DCHS2: variants seen among roughly 807,000 people sequenced by gnomAD.
The protein encoded by DCHS2 is protocadherin-23.
A neutral mutation model predicts 182.4 loss-of-function variants in DCHS2; 142 were observed. The ratio of observed to expected loss-of-function variants is 0.78; its 90% CI spans 0.68 to 0.89. The LOEUF (loss-of-function observed/expected upper bound fraction) is 0.89, where lower values mean the gene tolerates loss of function less well. Ranked by LOEUF, DCHS2 falls within the 40% of genes least tolerant of loss-of-function variation. The pLI, the probability that DCHS2 is intolerant of heterozygous loss-of-function variation, is 0.00. For missense variants in DCHS2, 4,319 were observed against 4,198.6 expected, an observed-to-expected ratio of 1.03 and a Z score of -0.79; for synonymous variants, 1,740 against 1,663.3, an observed-to-expected ratio of 1.05 and a Z score of -1.12.
At chr4:154,377,047 A>G (rs891529069) in intron 2 of DCHS2, among the ~76,000 whole-genome samples, 2 of 152,182 alleles carry the variant, frequency 1.3e-5, no homozygotes, top group Non-Finnish European at 2.9e-5. Context: ...CTGTGTTTTT[A>G]AAGTCATTTT....
chr4:154,380,772 TA>T (rs1731131991), intron 1 of DCHS2, among the ~76,000 whole-genome samples: 1 of 152,126 alleles, frequency 6.6e-6, no homozygotes, highest in Admixed American at 6.6e-5. Flanking sequence ...CCAAAATACC[TA>T]AAAATATTGA....
intron 16 of DCHS2, among the ~76,000 whole-genome samples, chr4:154,251,111 A>G (rs1321381864): frequency 1.3e-5 from 2 of 152,210 alleles, no homozygotes; most frequent in Non-Finnish European, 2.9e-5. Context: ...GAAAAAGATA[A>G]TTAACATCTC....
rs1046777669 is a variant in DCHS2, at chr4:154,418,236, A to G, written c.2053-40792T>C. Among the ~76,000 whole-genome samples, 20 of 152,212 alleles carry G rather than the reference A, an allele frequency of 1.3e-4. 1 individual carries two copies. The highest frequency in any genetic ancestry group is 2.9e-5 in the Non-Finnish European group (2 of 68,038). On this transcript the variant is annotated intron_variant, in intron 1 of 19. Coordinates refer to ENST00000357232, the MANE Select transcript of DCHS2 (RefSeq NM_001358235.2). ...TAATTGCATGTATTTCTTTCATATT[A>G]CATATGTAGAACCCGAGGCTCAGAA...
chr4:154,242,593 G>A, intron 17 of DCHS2, 49 bp downstream of exon 17: 1 of 1,576,032 alleles, frequency 6.3e-7, no homozygotes, highest in Non-Finnish European at 8.6e-7. Flanking sequence ...AATGGTAAAT[G>A]ATATTATACA....
chr4:154,295,805 T>C (rs1734901784), intron 13 of DCHS2, among the ~76,000 whole-genome samples: 1 of 152,170 alleles, frequency 6.6e-6, no homozygotes, highest in Non-Finnish European at 1.5e-5. Context: ...CTCAACTACA[T>C]TAACTGGTGT....
intron 1 of DCHS2, among the ~76,000 whole-genome samples, chr4:154,436,408 T>C (rs764970712): frequency 2.6e-5 from 4 of 152,226 alleles, no homozygotes; most frequent in Non-Finnish European, 5.9e-5. Context: ...TTCTGATTAA[T>C]TAAATGTTAG....
intron 1 of DCHS2, among the ~76,000 whole-genome samples, chr4:154,434,484 G>A (rs1733692554): frequency 6.6e-6 from 1 of 151,636 alleles, no homozygotes; most frequent in African/African-American, 2.4e-5. Flanking sequence ...ACATATTGAA[G>A]TAGTAAATTT....
chr4:154,391,208 T>G, intron 1 of DCHS2: 1 of 1,613,846 alleles, frequency 6.2e-7, no homozygotes. Flanking sequence ...ACACCTCATA[T>G]ACACAGGCAT....
chr4:154,253,093 T>G (rs1290650861), intron 16 of DCHS2, among the ~76,000 whole-genome samples: 2 of 94,396 alleles, frequency 2.1e-5, no homozygotes, highest in Non-Finnish European at 4.4e-5. Context: ...GCAGGTGTTG[T>G]GCGGGGTGGG....
At chr4:154,481,038 T>C (rs1735900906) in intron 1 of DCHS2, among the ~76,000 whole-genome samples, 1 of 152,214 alleles carries the variant, frequency 6.6e-6, no homozygotes, top group Non-Finnish European at 1.5e-5. Context: ...AAAAGTGGTA[T>C]ACAAATAGTT....
At chr4:154,439,453 T>G (rs1372524432) in intron 1 of DCHS2, among the ~76,000 whole-genome samples, 1 of 152,202 alleles carries the variant, frequency 6.6e-6, no homozygotes, top group Non-Finnish European at 1.5e-5. Context: ...TGTTTTTTAG[T>G]TAATATTACA....
intron 1 of DCHS2, among the ~76,000 whole-genome samples, chr4:154,458,273 T>C (rs1023235022): frequency 6.6e-6 from 1 of 151,898 alleles, no homozygotes; most frequent in African/African-American, 2.4e-5. Flanking sequence ...ACTGTATTAA[T>C]AGAAAATCAG....
chr4:154,354,109 G>A (rs537857662), intron 3 of DCHS2, among the ~76,000 whole-genome samples: 1 of 152,072 alleles, frequency 6.6e-6, no homozygotes, highest in Non-Finnish European at 1.5e-5. Flanking sequence ...TATTTTTAGT[G>A]GAGATAGAGT....
intron 2 of DCHS2, among the ~76,000 whole-genome samples, chr4:154,370,472 A>G (rs1394671759): frequency 6.6e-6 from 1 of 152,164 alleles, no homozygotes; most frequent in Non-Finnish European, 1.5e-5. Context: ...ATTTTTTAAG[A>G]TAGAGACTAT....
intron 1 of DCHS2, among the ~76,000 whole-genome samples, chr4:154,441,604 C>A (rs1214018896): frequency 1.4e-5 from 2 of 139,100 alleles, no homozygotes; most frequent in Non-Finnish European, 3.1e-5. Flanking sequence ...TCCTCTTGTA[C>A]CAGAACATTC....
Position 154,237,157 on chromosome 4 carries a change from T to A in DCHS2, c.7495A>T (p.Thr2499Ser). 1.2e-6 allele frequency: 2 copies of A among 1,603,336 alleles called. No individual in the cohort carries two copies. Among genetic ancestry groups the A allele is most frequent in the Non-Finnish European group, 1.7e-6 (2 of 1,176,316 alleles). The change falls in exon 20 of 20, where the codon ACA becomes TCA. Residue 2499 changes from threonine to serine, a missense_variant and splice_region_variant. Physicochemically the swap from Thr to Ser is moderately conservative, Grantham distance 58. Coordinates refer to ENST00000357232, the MANE Select transcript of DCHS2 (RefSeq NM_001358235.2). ...KEFSIDPKNGTIFTISPVLLL... is the reference protein window; with the variant it reads ...KEFSIDPKNGSIFTISPVLLL... ...AATACGGGACTGATAGTAAATATTGTGCCTGAAAAATAAGACATAGTATTT... is the reference window on the plus strand; with the variant it reads ...AATACGGGACTGATAGTAAATATTGAGCCTGAAAAATAAGACATAGTATTT...
chr4:154,366,394 C>T lies in DCHS2; in HGVS notation c.2292G>A (p.Val764=). ...GGTTAAACACAGGATGATTATCATT[C>T]ACGTCCTCCAGGTCCACACGAACAA... ...QAFVRVDLED[V]NDNHPVFNPS... The change falls in exon 3 of 20, where the codon GTG becomes GTA. Residue 764 remains valine, a synonymous_variant. Transcript: ENST00000357232. The T allele has an allele frequency of 6.2e-7, 1 of 1,613,860 alleles. No individual in the cohort carries two copies. The highest frequency in any genetic ancestry group is 8.5e-7 in the Non-Finnish European group (1 of 1,179,920).
intron 1 of DCHS2, among the ~76,000 whole-genome samples, chr4:154,477,558 C>T (rs967318937): frequency 2.6e-5 from 4 of 152,030 alleles, no homozygotes; most frequent in African/African-American, 7.2e-5. Flanking sequence ...TGCAAAGCCA[C>T]GGAAGGTGCT....
rs1284902560 is a variant in DCHS2 at position 154,489,921 on chromosome 4, C to A, written c.1435G>T (p.Ala479Ser). 6.5e-7 allele frequency: 1 copy of A among 1,538,548 alleles called. No homozygotes were observed. Among genetic ancestry groups the A allele is most frequent in the African/African-American group, 1.4e-5 (1 of 72,636 alleles). ...CCTGGGGGGCCGCCGGGTAGCAACG[C>A]GAAGTCTCCCTCTCCGCCTTCCAAG... ...LSLEGGEGDF[A>S]LLPGGPPGVF... is the part of the protein sequence containing the mutation. The change falls in exon 1 of 20, where the codon GCG (alanine) becomes TCG (serine). Residue 479 changes from alanine to serine, a missense_variant. By Grantham distance (99) the Ala-to-Ser change is moderately conservative. Coordinates refer to ENST00000357232, the MANE Select transcript of DCHS2 (RefSeq NM_001358235.2).
Sources: allele counts gnomAD v4.1 joint callset (sites outside exome capture counted in the v4.1 genomes callset), GRCh38; gene constraint gnomAD v4.1.1; transcripts MANE v1.5; gene names NCBI Gene and HGNC (gene_info 2026-07-23, HGNC 2026-07-21).